The following CDK13 variants were observed in gnomAD, a reference collection of about 807,000 sequenced individuals.
CDK13 encodes the protein cyclin dependent kinase 13.
CDK13 carries 40 observed loss-of-function variants against 137.6 expected under a neutral mutation model. The ratio of observed to expected loss-of-function variants is 0.29; its 90% CI spans 0.23 to 0.38. CDK13 has a LOEUF of 0.38. Among genes scored for constraint, CDK13 ranks in the 10% least tolerant of loss-of-function variants. The pLI, the probability that CDK13 is intolerant of heterozygous loss-of-function variation, is 1.00. For missense variants in CDK13, 1,704 were observed against 1,951.8 expected, an observed-to-expected ratio of 0.87 and a Z score of 2.39; for synonymous variants, 869 against 760.1, an observed-to-expected ratio of 1.14 and a Z score of -2.36.
intron 1 of CDK13, among the ~76,000 whole-genome samples, chr7:39,962,519 A>G (rs1370102110): frequency 6.6e-6 from 1 of 152,090 alleles, no homozygotes; most frequent in Non-Finnish European, 1.5e-5. Context: ...TTCATTGTAG[A>G]TTCTGAATAT....
rs1786833255 is a variant in CDK13, at chr7:40,088,170, G to A, written c.3074G>A (p.Arg1025Gln). ...TGTCATGAGTTATGGAGTAAAAAGC[G>A]AAGAAGACAGAAGCAGATGGGCATG... Reference protein sequence around the residue: ...QDCHELWSKKRRRQKQMGMTD... With the variant: ...QDCHELWSKKQRRQKQMGMTD... Residue 1025 changes from arginine to glutamine, a missense_variant, in exon 12 of 14, where the codon CGA becomes CAA. Coordinates refer to ENST00000181839, the MANE Select transcript of CDK13 (RefSeq NM_003718.5). 6.2e-7 allele frequency: 1 copy of A among 1,613,592 alleles called. No individual in the cohort carries two copies. Among genetic ancestry groups the A allele is most frequent in the South Asian group, 1.1e-5 (1 of 91,046 alleles).
chr7:39,976,315 TCTCTCTCTCACACACA>T (rs1442993238), intron 1 of CDK13, among the ~76,000 whole-genome samples: 16 of 68,616 alleles, frequency 2.3e-4, no homozygotes, highest in South Asian at 6.7e-4. Context: ...TCTCTCTCTC[TCTCTCTCTCACACACA>T]CACACACACA....
intron 5 of CDK13, among the ~76,000 whole-genome samples, chr7:40,011,587 C>CAGA (rs1205498074): frequency 6.6e-6 from 1 of 152,116 alleles, no homozygotes; most frequent in African/African-American, 2.4e-5. Context: ...TATCCACACA[C>CAGA]AGAAGAATTA....
intron 1 of CDK13, among the ~76,000 whole-genome samples, chr7:39,979,691 T>TA (rs1197666361): frequency 6.6e-5 from 10 of 152,212 alleles, no homozygotes; most frequent in Non-Finnish European, 5.9e-5. Flanking sequence ...CTCTGACTGT[T>TA]ACACCTTACA....
chr7:40,044,787 C>T (rs1455021604), intron 5 of CDK13, among the ~76,000 whole-genome samples: 1 of 152,264 alleles, frequency 6.6e-6, no homozygotes, highest in African/African-American at 2.4e-5. Flanking sequence ...CAGGCATCCA[C>T]CACCATGCCA....
chr7:39,985,222 G>C (rs1784313021), intron 1 of CDK13: 1 of 151,560 alleles, frequency 6.6e-6, no homozygotes, highest in South Asian at 2.1e-4. Flanking sequence ...AACATGCAAA[G>C]TTTGCCTTTC....
intron 1 of CDK13, chr7:39,985,556 C>A (rs919211350): frequency 6.6e-6 from 1 of 152,214 alleles, no homozygotes. Context: ...CCAAACTGTT[C>A]TTCACAGTGG....
chr7:40,058,453 G>A (rs1456384739), intron 7 of CDK13, among the ~76,000 whole-genome samples: 1 of 151,882 alleles, frequency 6.6e-6, no homozygotes, highest in Non-Finnish European at 1.5e-5. Context: ...AGAATTGCTT[G>A]AATCCAGGAG....
chr7:40,057,398 G>T (rs567032315), intron 7 of CDK13, among the ~76,000 whole-genome samples: 1 of 152,294 alleles, frequency 6.6e-6, no homozygotes, highest in South Asian at 2.1e-4. Context: ...TTCTACACAT[G>T]CCTTCCAATG....
At chr7:40,088,469 C>A in intron 12 of CDK13, 138 bp downstream of exon 12, 1 of 701,190 alleles carries the variant, frequency 1.4e-6, no homozygotes, top group Non-Finnish European at 2.3e-6. Flanking sequence ...TTTCTTTGTG[C>A]CAGTACAGAA....
Position 39,950,878 on chromosome 7 carries a change from T to C in CDK13, c.237T>C (p.Ser79=). The C allele has an allele frequency of 7.3e-7, 1 of 1,363,288 alleles. No homozygotes were observed. The highest frequency in any genetic ancestry group is 9.4e-7 in the Non-Finnish European group (1 of 1,068,998). The allele number at this position is 1,363,288 out of a possible 1,614,324, so 84.4% of individuals were successfully genotyped here. The change falls in exon 1 of 14, where the codon TCT becomes TCC. Residue 79 remains serine (S), a synonymous_variant. Transcript: ENST00000181839. Reference sequence around the variant, plus strand: ...CCGCCGCCGCCGCGGCCTCCTCCTCTTGCTTCAGCCCGGGCCCCCCTCTGG... The same window carrying C: ...CCGCCGCCGCCGCGGCCTCCTCCTCCTGCTTCAGCCCGGGCCCCCCTCTGG... The part of the protein sequence containing the change: ...AAAAAAAASS[S]CFSPGPPLEV...
chr7:39,951,823 C>G lies in CDK13; in HGVS notation c.1182C>G (p.Arg394=). 1 of 1,456,380 alleles carries G rather than the reference C, an allele frequency of 6.9e-7. No individual in the cohort carries two copies. The highest frequency in any genetic ancestry group is 9.0e-7 in the Non-Finnish European group (1 of 1,113,834). The allele number at this position is 1,456,380 out of a possible 1,614,324, so 90.2% of individuals were successfully genotyped here. Residue 394 remains arginine, a synonymous_variant, in exon 1 of 14, where the codon CGC becomes CGG. Coordinates refer to ENST00000181839, the MANE Select transcript of CDK13 (RefSeq NM_003718.5). The part of the protein sequence containing the change: ...PSPYSSSSWR[R]SRSPYSPVLR... ...CCTACAGCAGCAGCAGCTGGCGCCGCTCTCGCAGTCCCTACAGCCCTGTGC... is the reference window on the plus strand; with the variant it reads ...CCTACAGCAGCAGCAGCTGGCGCCGGTCTCGCAGTCCCTACAGCCCTGTGC...
intron 12 of CDK13, among the ~76,000 whole-genome samples, chr7:40,090,648 G>C (rs2150545928): frequency 6.6e-6 from 1 of 152,282 alleles, no homozygotes; most frequent in East Asian, 1.9e-4. Flanking sequence ...ACTCTGGGAG[G>C]CCGGGGCGGG....
chr7:40,097,476 G>A lies in CDK13; in HGVS notation c.*2496G>A, dbSNP rs1285892884. On this transcript the variant is annotated 3_prime_UTR_variant, in exon 14 of 14. Coordinates refer to ENST00000181839, the MANE Select transcript of CDK13 (RefSeq NM_003718.5). Reference sequence around the variant, plus strand: ...TCATAGCATTTAATATTTTAATTCAGTGAATTTGGATTAATAGAACAAAGT... The same window carrying A: ...TCATAGCATTTAATATTTTAATTCAATGAATTTGGATTAATAGAACAAAGT... 3.9e-5 allele frequency: 6 copies of A among 152,026 alleles called. No homozygotes were observed. Among genetic ancestry groups the A allele is most frequent in the African/African-American group, 1.4e-4 (6 of 41,412 alleles). The allele number at this position is 152,026 out of a possible 1,614,324, so 9.4% of individuals were successfully genotyped here. A position where few individuals can be genotyped will look rare whatever the true frequency, so the allele number is the denominator to read the frequency against.
In CDK13 at chr7:40,002,179, AT is replaced by A. The variant is rs202152509; in HGVS notation, c.2353+149del. On this transcript the variant is annotated intron_variant, in intron 5 of 13. Coordinates refer to ENST00000181839, the MANE Select transcript of CDK13 (RefSeq NM_003718.5). ...ATATTTTTAAGTTTGGTAGAGTTGA[AT>A]AATGAATTGATTTACTTTAGTGGTT... 15 of 530,562 alleles carry A rather than the reference AT, an allele frequency of 2.8e-5. No homozygotes were observed. In the East Asian group the frequency reaches 4.7e-4, roughly 17 times the overall value. The allele number at this position is 530,562 out of a possible 1,614,324, so 32.9% of individuals were successfully genotyped here. A position where few individuals can be genotyped will look rare whatever the true frequency, so the allele number is the denominator to read the frequency against.
rs972974458 is a variant in CDK13 at position 39,950,944 on chromosome 7, G to T, written c.303G>T (p.Gly101=). ...RLARGKRRAG[G]RQKRRRGPRA... ...CGAGAGGCAAGAGGCGCGCAGGAGGGCGGCAGAAGCGGCGTCGCGGGCCCC... is the reference window on the plus strand; with the variant it reads ...CGAGAGGCAAGAGGCGCGCAGGAGGTCGGCAGAAGCGGCGTCGCGGGCCCC... The change falls in exon 1 of 14, where the codon GGG becomes GGT. Residue 101 remains glycine (G), a synonymous_variant. Coordinates refer to ENST00000181839, the MANE Select transcript of CDK13 (RefSeq NM_003718.5). 7.6e-7 allele frequency: 1 copy of T among 1,311,730 alleles called. No individual in the cohort carries two copies. Among genetic ancestry groups the T allele is most frequent in the Non-Finnish European group, 9.7e-7 (1 of 1,035,064 alleles). The allele number at this position is 1,311,730 out of a possible 1,614,324, so 81.3% of individuals were successfully genotyped here. A position where few individuals can be genotyped will look rare whatever the true frequency, so the allele number is the denominator to read the frequency against.
chr7:40,050,200 GTGACTT>G (rs1044461140), intron 7 of CDK13, among the ~76,000 whole-genome samples: 14 of 152,106 alleles, frequency 9.2e-5, no homozygotes, highest in African/African-American at 3.4e-4. Flanking sequence ...GAAGGGTTGA[GTGACTT>G]TAAAGATCAA....
intron 9 of CDK13, among the ~76,000 whole-genome samples, chr7:40,068,485 C>T (rs948377894): frequency 1.3e-5 from 2 of 151,568 alleles, no homozygotes; most frequent in Non-Finnish European, 1.5e-5. Flanking sequence ...CACTTGAGGT[C>T]GAGTTCAGGA....
intron 11 of CDK13, among the ~76,000 whole-genome samples, chr7:40,082,023 T>A (rs1221120929): frequency 6.6e-6 from 1 of 152,230 alleles, no homozygotes; most frequent in Non-Finnish European, 1.5e-5. Context: ...ATCTGTTGAT[T>A]AATATTGCTT....
Sources: allele counts gnomAD v4.1 joint callset (sites outside exome capture counted in the v4.1 genomes callset), GRCh38; gene constraint gnomAD v4.1.1; transcripts MANE v1.5; gene names NCBI Gene and HGNC (gene_info 2026-07-23, HGNC 2026-07-21).